The following IKBIP variants were observed in gnomAD, a reference collection of about 807,000 sequenced individuals.
IKBIP encodes the protein IKBKB interacting protein.
Under a neutral mutation model 31.0 loss-of-function variants are expected in IKBIP, and 28 were observed. The observed-to-expected ratio is 0.90, with a 90% confidence interval of 0.67 to 1.24. IKBIP has a LOEUF of 1.24. IKBIP is among the 50% of genes most tolerant of loss of function. The probability of loss-of-function intolerance (pLI) is 0.00; values close to 1 mark genes in which losing one functional copy is unlikely to be tolerated. For missense variants in IKBIP, 453 were observed against 441.9 expected (o/e 1.03, Z -0.23); for synonymous variants, 164 against 160.3 (o/e 1.02, Z -0.17).
intron 2 of IKBIP, among the ~76,000 whole-genome samples, chr12:98,632,394 G>T (rs2097621049): frequency 1.4e-5 from 2 of 144,478 alleles, no homozygotes; most frequent in African/African-American, 5.1e-5. Context: ...AGGAGTGCTT[G>T]AGCCTGGGAG....
chr12:98,621,358 C>T (rs2097610029), downstream of IKBIP, among the ~76,000 whole-genome samples: 1 of 152,246 alleles, frequency 6.6e-6, no homozygotes, highest in Non-Finnish European at 1.5e-5. Flanking sequence ...GACTCTTCAG[C>T]ACTGCTTTTT....
downstream of IKBIP, among the ~76,000 whole-genome samples, chr12:98,621,478 C>T (rs1057032847): frequency 5.9e-5 from 9 of 152,192 alleles, no homozygotes; most frequent in African/African-American, 1.9e-4. Context: ...TTAATGGCAA[C>T]ATGGTAGAGA....
chr12:98,636,106 G>C (rs2097625539), intron 1 of IKBIP, among the ~76,000 whole-genome samples: 1 of 152,182 alleles, frequency 6.6e-6, no homozygotes, highest in Non-Finnish European at 1.5e-5. Flanking sequence ...AAAAACACTT[G>C]AAATTCTTTG....
At chr12:98,639,129 C>T (rs1363520695) in intron 1 of IKBIP, among the ~76,000 whole-genome samples, 1 of 151,116 alleles carries the variant, frequency 6.6e-6, no homozygotes, top group Non-Finnish European at 1.5e-5. Context: ...CAACTTCCGC[C>T]TCCTGGGTTC....
downstream of IKBIP, among the ~76,000 whole-genome samples, chr12:98,619,692 AC>A (rs2097608550): frequency 6.6e-6 from 1 of 151,882 alleles, no homozygotes; most frequent in African/African-American, 2.4e-5. Context: ...TGGATGGGTC[AC>A]TTGAGCTCAG....
intron 2 of IKBIP, among the ~76,000 whole-genome samples, chr12:98,632,427 G>T (rs1427867249): frequency 7.8e-6 from 1 of 127,492 alleles, no homozygotes; most frequent in Non-Finnish European, 1.6e-5. Context: ...TTCCAACACT[G>T]CACTCCAGCC....
Position 98,633,425 on chromosome 12 carries a change from G to T in IKBIP, c.297+871C>A, listed in dbSNP as rs182341697. ...CTTGAAGGAACACAATATAGACATGGTATTATTTTAATTTTCATTGGAATT... is the reference window on the plus strand; with the variant it reads ...CTTGAAGGAACACAATATAGACATGTTATTATTTTAATTTTCATTGGAATT... On this transcript the variant is annotated intron_variant, in intron 2 of 2. Coordinates refer to ENST00000299157, the MANE Select transcript of IKBIP (RefSeq NM_153687.4). Among the ~76,000 whole-genome samples the T allele has an allele frequency of 2.9e-4, 43 of 150,660 alleles. 1 individual carries two copies. In the East Asian group the frequency reaches 6.4e-3, roughly 23 times the overall value.
chr12:98,613,911 TAAC>T, exon 3 of IKBIP: 1 of 1,613,778 alleles, frequency 6.2e-7, no homozygotes. Context: ...AGCGTCTTCT[TAAC>T]AGAGTTAATT....
intron 2 of IKBIP, among the ~76,000 whole-genome samples, chr12:98,633,647 G>C (rs1210955829): frequency 1.3e-5 from 2 of 150,370 alleles, no homozygotes; most frequent in African/African-American, 4.9e-5. Context: ...CCCCCGAGTA[G>C]CTGGGATTAC....
At chr12:98,631,948 C>T (rs2097620543) in intron 2 of IKBIP, among the ~76,000 whole-genome samples, 1 of 151,176 alleles carries the variant, frequency 6.6e-6, no homozygotes, top group African/African-American at 2.4e-5. Flanking sequence ...CTCCACCTCC[C>T]AGGTTCAAGT....
At chr12:98,633,350 C>T (rs2097622763) in intron 2 of IKBIP, among the ~76,000 whole-genome samples, 1 of 152,050 alleles carries the variant, frequency 6.6e-6, no homozygotes, top group Non-Finnish European at 1.5e-5. Context: ...GTTTATTTGT[C>T]TCACATTTCT....
intron 2 of IKBIP, among the ~76,000 whole-genome samples, chr12:98,630,157 G>A (rs913239086): frequency 5.9e-5 from 9 of 151,990 alleles, no homozygotes; most frequent in Admixed American, 2.6e-4. Flanking sequence ...GCTGAGGCGG[G>A]TGGACCACCT....
exon 3 of IKBIP, chr12:98,614,128 G>A (rs199516889): frequency 2.4e-5 from 39 of 1,613,296 alleles, no homozygotes; most frequent in Non-Finnish European, 3.0e-5. Flanking sequence ...TTGTAATCTT[G>A]AGACCAACAT....
chr12:98,639,601 A>C (rs2097628664), intron 1 of IKBIP, among the ~76,000 whole-genome samples: 1 of 152,180 alleles, frequency 6.6e-6, no homozygotes, highest in Non-Finnish European at 1.5e-5. Flanking sequence ...TCCTGTGATA[A>C]TGAATGGTTT....
At position 98,626,743 on chromosome 12, in the gene IKBIP, C is replaced by G; in HGVS notation, c.321G>C (p.Leu107=). 2 of 1,607,204 alleles carry G rather than the reference C, an allele frequency of 1.2e-6. No homozygotes were observed. The highest frequency in any genetic ancestry group is 1.7e-6 in the Non-Finnish European group (2 of 1,175,908). Residue 107 remains leucine, a synonymous_variant, in exon 3 of 3, where the codon CTG becomes CTC. Transcript: ENST00000299157. ...SEKLESTESI[L]QEATSSMSLM... ...AAGACATGGATGATGTAGCTTCCTG[C>G]AGGATGCTTTCAGTAGACTCAAGCT...
intron 1 of IKBIP, among the ~76,000 whole-genome samples, chr12:98,643,862 C>A (rs2097634241): frequency 1.4e-5 from 2 of 138,652 alleles, no homozygotes; most frequent in Admixed American, 1.5e-4. Context: ...GTCGCCCAGG[C>A]TGGAGTGCAG....
chr12:98,614,153 G>A (rs369780833), exon 3 of IKBIP: 15 of 1,613,586 alleles, frequency 9.3e-6, no homozygotes, highest in East Asian at 2.2e-5. Context: ...TGCCATGGAA[G>A]TTGTACTTTG....
downstream of IKBIP, among the ~76,000 whole-genome samples, chr12:98,622,864 G>GGATATAAGATAAGAGATCA (rs2097611157): frequency 1.3e-5 from 2 of 151,352 alleles, no homozygotes; most frequent in African/African-American, 4.9e-5. Flanking sequence ...TGATCATTAA[G>GGATATAAGATAAGAGATCA]CAAAATTTAA....
At chr12:98,642,669 C>T (rs145108905) in intron 1 of IKBIP, among the ~76,000 whole-genome samples, 2,252 of 124,692 alleles carry the variant, frequency 0.018, 35 homozygotes, top group African/African-American at 0.044. Flanking sequence ...GGCACGATTT[C>T]GGCTCACTGC....
Sources: gnomAD v4.1 joint callset for allele counts (sites outside exome capture counted in the v4.1 genomes callset) on GRCh38, gnomAD v4.1.1 for gene constraint, MANE v1.5 for transcripts, NCBI Gene and HGNC (gene_info 2026-07-23, HGNC 2026-07-21) for gene names.